PRKG1: variants seen among roughly 807,000 people sequenced by gnomAD.
The protein encoded by PRKG1 is cGMP-dependent protein kinase 1.
In PRKG1, 35 loss-of-function variants were observed where a neutral mutation model predicts 88.1. The observed-to-expected ratio is 0.40, with a 90% confidence interval of 0.30 to 0.53. The LOEUF (loss-of-function observed/expected upper bound fraction) is 0.53. PRKG1 is among the 20% of genes least tolerant of loss of function. PRKG1 has a pLI of 0.59. For missense variants in PRKG1, 540 were observed against 839.8 expected, an observed-to-expected ratio of 0.64 and a Z score of 4.41; for synonymous variants, 303 against 292.5, an observed-to-expected ratio of 1.04 and a Z score of -0.37.
chr10:51,647,552 T>A (rs996800193), intron 3 of PRKG1, among the ~76,000 whole-genome samples: 2 of 152,184 alleles, frequency 1.3e-5, no homozygotes, highest in African/African-American at 4.8e-5. Context: ...CAGAGCTGGG[T>A]TGTGAATGAT....
At chr10:51,023,035 C>T (rs1843161008) in intron 1 of PRKG1, among the ~76,000 whole-genome samples, 1 of 152,100 alleles carries the variant, frequency 6.6e-6, no homozygotes, top group Non-Finnish European at 1.5e-5. Context: ...CATCTGTATC[C>T]ACAGCATGCA....
At chr10:51,085,181 T>C (rs1458921759) in intron 1 of PRKG1, among the ~76,000 whole-genome samples, 2 of 152,276 alleles carry the variant, frequency 1.3e-5, no homozygotes, top group Non-Finnish European at 1.5e-5. Context: ...CTGGCAAACA[T>C]GCTGTAAAAG....
intron 2 of PRKG1, among the ~76,000 whole-genome samples, chr10:51,428,466 C>T (rs370226997): frequency 4.6e-5 from 7 of 152,188 alleles, no homozygotes; most frequent in African/African-American, 1.7e-4. Context: ...GCTTGGCAAG[C>T]CCTCCACCCA....
At chr10:52,022,905 C>A (rs74778748) in intron 5 of PRKG1, among the ~76,000 whole-genome samples, 1 of 151,790 alleles carries the variant, frequency 6.6e-6, no homozygotes, top group African/African-American at 2.4e-5. Flanking sequence ...AACTTTTGGT[C>A]GTAATAGGTG....
chr10:51,957,593 G>A (rs1175171583), intron 5 of PRKG1, among the ~76,000 whole-genome samples: 2 of 152,110 alleles, frequency 1.3e-5, no homozygotes, highest in Non-Finnish European at 2.9e-5. Context: ...GTGCCCAACT[G>A]TGAAAAATAT....
intron 7 of PRKG1, among the ~76,000 whole-genome samples, chr10:52,092,831 T>A (rs1847087183): frequency 6.6e-6 from 1 of 152,184 alleles, no homozygotes; most frequent in Non-Finnish European, 1.5e-5. Flanking sequence ...AAAAGCAGAA[T>A]GTTGAGCCAA....
intron 3 of PRKG1, among the ~76,000 whole-genome samples, chr10:51,514,556 C>T (rs113474800): frequency 1.3e-5 from 2 of 152,198 alleles, no homozygotes; most frequent in African/African-American, 4.8e-5. Flanking sequence ...AAATATGCTT[C>T]TTAAAAGCCA....
At chr10:51,735,873 A>ATGTT (rs1375288893) in intron 3 of PRKG1, among the ~76,000 whole-genome samples, 63 of 97,232 alleles carry the variant, frequency 6.5e-4, no homozygotes, top group South Asian at 1.3e-3. Context: ...ATATATATAT[A>ATGTT]TATATATGTA....
chr10:51,371,886 G>A (rs1588889722), intron 2 of PRKG1, among the ~76,000 whole-genome samples: 1 of 152,210 alleles, frequency 6.6e-6, no homozygotes, highest in East Asian at 1.9e-4. Flanking sequence ...CTTCCGTGGG[G>A]GCTGAGAACT....
At chr10:51,297,322 A>C (rs1299328452) in intron 2 of PRKG1, among the ~76,000 whole-genome samples, 2 of 152,118 alleles carry the variant, frequency 1.3e-5, no homozygotes. Context: ...GTGGGTGTTC[A>C]TTTGAACAGT....
At chr10:51,002,882 T>C (rs1347978013) in intron 1 of PRKG1, among the ~76,000 whole-genome samples, 4 of 152,320 alleles carry the variant, frequency 2.6e-5, no homozygotes, top group Non-Finnish European at 5.9e-5. Flanking sequence ...GCTCAGATAC[T>C]GTGTTAGATC....
At chr10:52,158,714 T>C (rs1838192412) in intron 8 of PRKG1, among the ~76,000 whole-genome samples, 1 of 151,646 alleles carries the variant, frequency 6.6e-6, no homozygotes, top group Admixed American at 6.6e-5. Context: ...GTTTAACGTT[T>C]CAGAAAATGT....
chr10:51,805,379 C>A (rs1839278214), intron 4 of PRKG1, among the ~76,000 whole-genome samples: 1 of 151,774 alleles, frequency 6.6e-6, no homozygotes, highest in African/African-American at 2.4e-5. Context: ...TCTTTGTCTG[C>A]AAGTTTATTT....
At chr10:52,196,559 C>T (rs1337423478) in intron 9 of PRKG1, among the ~76,000 whole-genome samples, 2 of 152,116 alleles carry the variant, frequency 1.3e-5, no homozygotes, top group African/African-American at 4.8e-5. Flanking sequence ...ATATATTTAC[C>T]AACAACGAAA....
chr10:52,251,021 G>T (rs1841156744), intron 9 of PRKG1, among the ~76,000 whole-genome samples: 1 of 152,086 alleles, frequency 6.6e-6, no homozygotes, highest in South Asian at 2.1e-4. Flanking sequence ...TCGGACATTT[G>T]TACATCAGTT....
chr10:51,377,295 A>G (rs954534698), intron 2 of PRKG1, among the ~76,000 whole-genome samples: 1 of 152,194 alleles, frequency 6.6e-6, no homozygotes, highest in Non-Finnish European at 1.5e-5. Context: ...CAAGTTCCTC[A>G]GCTTTGTTAT....
intron 3 of PRKG1, among the ~76,000 whole-genome samples, chr10:51,704,957 T>C (rs918326292): frequency 1.3e-5 from 2 of 152,174 alleles, no homozygotes; most frequent in Non-Finnish European, 2.9e-5. Context: ...TTTAATACCT[T>C]ATAACTTTTA....
intron 3 of PRKG1, among the ~76,000 whole-genome samples, chr10:51,608,415 A>G (rs1026851098): frequency 6.6e-6 from 1 of 152,182 alleles, no homozygotes; most frequent in Non-Finnish European, 1.5e-5. Context: ...GTCATGGGAC[A>G]GGGAGTTGAA....
At chr10:51,940,031 C>G (rs1842873064) in intron 5 of PRKG1, among the ~76,000 whole-genome samples, 1 of 151,884 alleles carries the variant, frequency 6.6e-6, no homozygotes, top group Non-Finnish European at 1.5e-5. Flanking sequence ...TGAAAAATTT[C>G]TATAGCCTTA....
Sources: gnomAD v4.1 joint callset for allele counts (sites outside exome capture counted in the v4.1 genomes callset) on GRCh38, gnomAD v4.1.1 for gene constraint, MANE v1.5 for transcripts, NCBI Gene and HGNC (gene_info 2026-07-23, HGNC 2026-07-21) for gene names.